The following ADH1B variants were observed in gnomAD, a reference collection of about 807,000 sequenced individuals.
ADH1B encodes alcohol dehydrogenase 1B (class I), beta polypeptide.
Under a neutral mutation model 34.6 loss-of-function variants are expected in ADH1B, and 29 were observed. That is an observed-to-expected ratio of 0.84 (90% CI 0.62 to 1.14). The LOEUF (loss-of-function observed/expected upper bound fraction) is 1.14, where lower values mean the gene tolerates loss of function less well. Ranked by LOEUF, ADH1B falls within the 50% of genes most tolerant of loss-of-function variation. The pLI, the probability that ADH1B is intolerant of heterozygous loss-of-function variation, is 0.00. For missense variants in ADH1B, 424 were observed against 468.4 expected (o/e 0.91, Z 0.87); for synonymous variants, 170 against 175.5 (o/e 0.97, Z 0.25).
chr4:99,311,433 TAA>T, intron 7 of ADH1B, 86 bp downstream of exon 7: 1 of 1,428,122 alleles, frequency 7.0e-7, no homozygotes, highest in Non-Finnish European at 9.5e-7. Flanking sequence ...TTGTCAATTG[TAA>T]AAGGGCATAT....
chr4:99,310,896 C>T lies in ADH1B; in HGVS notation c.972G>A (p.Lys324=). 6.2e-7 allele frequency: 1 copy of T among 1,612,562 alleles called. No individual in the cohort carries two copies. The highest frequency in any genetic ancestry group is 8.5e-7 in the Non-Finnish European group (1 of 1,179,428). The stretch of plus-strand genomic sequence containing the variant: ...CAAGTTTTGGGATACCTTCTTTACT[C>T]TTAAAGCCTGAAAAGAAGACAGTAT... ...TWKGAVYGGF[K]SKEGIPKLVA... is the part of the protein sequence containing the mutation. The change falls in exon 8 of 9, where the codon AAG becomes AAA. Residue 324 remains lysine (K), a synonymous_variant. Coordinates refer to ENST00000305046, the MANE Select transcript of ADH1B (RefSeq NM_000668.6).
intron 3 of ADH1B, chr4:99,316,952 T>G (rs1733901928): frequency 6.6e-6 from 1 of 152,118 alleles, no homozygotes; most frequent in Admixed American, 6.6e-5. Context: ...AGGATAAGAA[T>G]GGACTTAACA....
chr4:99,316,084 G>A lies in ADH1B; in HGVS notation c.381C>T (p.Gly127=). The A allele has an allele frequency of 6.2e-7, 1 of 1,614,154 alleles. No individual in the cohort carries two copies. Among genetic ancestry groups the A allele is most frequent in the Non-Finnish European group, 8.5e-7 (1 of 1,180,020 alleles). The change falls in exon 5 of 9, where the codon GGC becomes GGT. Residue 127 remains glycine (G), a synonymous_variant. Coordinates refer to ENST00000305046, the MANE Select transcript of ADH1B (RefSeq NM_000668.6). ...TCCCCCTGCAGGTGAACCTCCTGGT[G>A]CCATCCTGCAGGGTCCCCCGAGGAT... ...LGNPRGTLQD[G]TRRFTCRGKP... is the part of the protein sequence containing the mutation.
In ADH1B at chr4:99,314,037, G is replaced by A. The variant is rs28626993; in HGVS notation, c.612C>T (p.Val204=). The change falls in exon 6 of 9, where the codon GTC becomes GTT. Residue 204 remains valine, a synonymous_variant. Coordinates refer to ENST00000305046, the MANE Select transcript of ADH1B (RefSeq NM_000668.6). ...TACAGCCCATAACAGCAGATAGGCC[G>A]ACCCCTCCCAGGCCAAACACAGCAC... The part of the protein sequence containing the change: ...STCAVFGLGG[V]GLSAVMGCKA... 5,993 of 1,614,150 alleles carry A rather than the reference G, an allele frequency of 3.7e-3. 224 individuals are homozygous for A. In the African/African-American group the frequency reaches 0.073, roughly 20 times the overall value.
chr4:99,315,606 G>A (rs1340317589), intron 5 of ADH1B: 3 of 464,786 alleles, frequency 6.5e-6, no homozygotes, highest in Non-Finnish European at 1.2e-5. Flanking sequence ...CTCTCTAATC[G>A]TTGAATGAAT....
At chr4:99,317,929 T>C in intron 3 of ADH1B, 117 bp downstream of exon 3, 1 of 1,519,564 alleles carries the variant, frequency 6.6e-7, no homozygotes, top group Non-Finnish European at 8.8e-7. Flanking sequence ...CCTGAAGTCC[T>C]GGCTGCGCGG....
At position 99,311,597 on chromosome 4, in the gene ADH1B, A is replaced by G. The variant is rs1318440489; in HGVS notation, c.888T>C (p.Pro296=). ...ACGTSVIVGV[P]PASQNLSINP... ...TTATTGAGAGGTTCTGGGAAGCAGG[A>G]GGTACCCCTACGATGACGCTTGTGC... The change falls in exon 7 of 9, where the codon CCT becomes CCC. Residue 296 remains proline (P), a synonymous_variant. Coordinates refer to ENST00000305046, the MANE Select transcript of ADH1B (RefSeq NM_000668.6). 6.2e-7 allele frequency: 1 copy of G among 1,614,074 alleles called. No homozygotes were observed. The highest frequency in any genetic ancestry group is 1.7e-5 in the Admixed American group (1 of 60,008).
At chr4:99,312,992 G>T (rs1002446254) in intron 6 of ADH1B, among the ~76,000 whole-genome samples, 24 of 151,966 alleles carry the variant, frequency 1.6e-4, no homozygotes, top group African/African-American at 5.6e-4. Context: ...AAATTCTGGG[G>T]GTTGGTAAAG....
At chr4:99,315,437 G>C (rs765166134) in intron 5 of ADH1B, 7 of 205,854 alleles carry the variant, frequency 3.4e-5, no homozygotes, top group East Asian at 2.4e-4. Flanking sequence ...GCCTTGGTTT[G>C]GAGGTGCATC....
rs970272813 is a variant in ADH1B, at chr4:99,313,526, T to G, written c.828+295A>C. On this transcript the variant is annotated intron_variant, in intron 6 of 8. Coordinates refer to ENST00000305046, the MANE Select transcript of ADH1B (RefSeq NM_000668.6). ...AGAATTTATATTATTTATGTTTACT[T>G]GAACTTATATTTTTTAACTAAAAAT... The G allele has an allele frequency of 1.5e-5, 6 of 393,436 alleles. No homozygotes were observed. In the East Asian group the frequency reaches 2.5e-4, roughly 17 times the overall value. 24.4% of individuals were successfully genotyped at this position (393,436 alleles called of 1,614,324 possible).
At chr4:99,316,851 T>TG (rs1733898421) in intron 3 of ADH1B, 1 of 152,032 alleles carries the variant, frequency 6.6e-6, no homozygotes, top group African/African-American at 2.4e-5. Context: ...AGGTCTTTTT[T>TG]TTTTGAGAAA....
At chr4:99,310,122 T>A (rs1733713890) in intron 8 of ADH1B, among the ~76,000 whole-genome samples, 2 of 152,190 alleles carry the variant, frequency 1.3e-5, no homozygotes. Context: ...TGGTTGTAAG[T>A]GTTAAATGTT....
In ADH1B at chr4:99,305,607, A is replaced by G. The variant is rs1267833593; in HGVS notation, c.*2233T>C. On this transcript the variant is annotated 3_prime_UTR_variant, in exon 9 of 9. Coordinates refer to ENST00000305046, the MANE Select transcript of ADH1B (RefSeq NM_000668.6). ...TATATATATATATATATATATATAT[A>G]TACAATCACTTAACTATATGAACCA... 3.7e-4 allele frequency: 44 copies of G among 117,908 alleles called. No homozygotes were observed. Among genetic ancestry groups the G allele is most frequent in the African/African-American group, 1.2e-3 (40 of 32,656 alleles). The allele number at this position is 117,908 out of a possible 1,614,324, so 7.3% of individuals were successfully genotyped here.
Position 99,321,377 on chromosome 4 carries a change from G to T in ADH1B, c.-46C>A. ...CCACCAGCAGACTGTGAGTCTTTGT[G>T]GATTTCTTCTCTGCTTGAGTGCATA... On this transcript the variant is annotated 5_prime_UTR_variant, in exon 1 of 9. Transcript: ENST00000305046. 1 of 1,601,158 alleles carries T rather than the reference G, an allele frequency of 6.2e-7. No individual in the cohort carries two copies.
In ADH1B at chr4:99,310,921, T is replaced by C. The variant is rs1042225183; in HGVS notation, c.965-18A>G. ...CTTAAAGCCTGAAAAGAAGACAGTA[T>C]CATTGTTGGATTCAGCTAGGGTAAG... On this transcript the variant is annotated intron_variant, in intron 7 of 8. Coordinates refer to ENST00000305046, the MANE Select transcript of ADH1B (RefSeq NM_000668.6). The C allele has an allele frequency of 2.5e-6, 4 of 1,609,296 alleles. No individual in the cohort carries two copies. Among genetic ancestry groups the C allele is most frequent in the East Asian group, 2.2e-5 (1 of 44,780 alleles).
At chr4:99,308,782 C>T (rs768369861) in intron 8 of ADH1B, among the ~76,000 whole-genome samples, 2 of 151,614 alleles carry the variant, frequency 1.3e-5, no homozygotes, top group Non-Finnish European at 2.9e-5. Context: ...ATCCATAATC[C>T]CACAACCTAG....
rs1365318737 is a variant in ADH1B, at chr4:99,305,596, TATATATATATATAC to T, written c.*2230_*2243del. 8.5e-6 allele frequency: 1 copy of T among 117,496 alleles called. No homozygotes were observed. The highest frequency in any genetic ancestry group is 1.8e-5 in the Non-Finnish European group (1 of 55,986). 7.3% of individuals were successfully genotyped at this position (117,496 alleles called of 1,614,324 possible). A position where few individuals can be genotyped will look rare whatever the true frequency, so the allele number is the denominator to read the frequency against. On this transcript the variant is annotated 3_prime_UTR_variant, in exon 9 of 9. Transcript: ENST00000305046. ...ATATATATATATATATATATATATA[TATATATATATATAC>T]AATCACTTAACTATATGAACCACTT... is the stretch of plus-strand genomic sequence containing the variant.
chr4:99,311,716 T>C, intron 6 of ADH1B, 60 bp from the exon 7 acceptor site: 1 of 1,593,290 alleles, frequency 6.3e-7, no homozygotes, highest in Non-Finnish European at 8.6e-7. Context: ...CTACTCATAA[T>C]GCACAATATC....
At position 99,305,489 on chromosome 4, in the gene ADH1B, T is replaced by C. The variant is rs1314582279; in HGVS notation, c.*2351A>G. 2.4e-5 allele frequency: 2 copies of C among 84,664 alleles called. No individual in the cohort carries two copies. Among genetic ancestry groups the C allele is most frequent in the Non-Finnish European group, 4.7e-5 (2 of 42,246 alleles). 5.2% of individuals were successfully genotyped at this position (84,664 alleles called of 1,614,324 possible). On this transcript the variant is annotated 3_prime_UTR_variant, in exon 9 of 9. Coordinates refer to ENST00000305046, the MANE Select transcript of ADH1B (RefSeq NM_000668.6). ...GATTACAGACCCAGCCAATACTTTC[T>C]ACACTGGAATACATATATATATATA...
Sources: allele counts gnomAD v4.1 joint callset (sites outside exome capture counted in the v4.1 genomes callset), GRCh38; gene constraint gnomAD v4.1.1; transcripts MANE v1.5; gene names NCBI Gene and HGNC (gene_info 2026-07-23, HGNC 2026-07-21).